ZMAT4: variants seen among roughly 807,000 people sequenced by gnomAD.
ZMAT4 encodes zinc finger matrin-type protein 4.
A neutral mutation model predicts 28.7 loss-of-function variants in ZMAT4; 17 were observed. That is an observed-to-expected ratio of 0.59 (90% CI 0.41 to 0.89). The LOEUF is 0.89. Among genes scored for constraint, ZMAT4 ranks in the 40% least tolerant of loss-of-function variants. ZMAT4 has a pLI of 0.00. For missense variants in ZMAT4, 240 were observed against 283.8 expected, an observed-to-expected ratio of 0.85 and a Z score of 1.11; for synonymous variants, 117 against 109.2, an observed-to-expected ratio of 1.07 and a Z score of -0.44.
intron 3 of ZMAT4, among the ~76,000 whole-genome samples, chr8:40,751,547 G>T (rs1455225547): frequency 6.6e-6 from 1 of 151,918 alleles, no homozygotes; most frequent in Non-Finnish European, 1.5e-5. Flanking sequence ...CCCATGATCC[G>T]ATCGCCTCCC....
intron 5 of ZMAT4, among the ~76,000 whole-genome samples, chr8:40,599,021 G>A (rs975764776): frequency 1.3e-5 from 2 of 152,116 alleles, no homozygotes; most frequent in East Asian, 1.9e-4. Flanking sequence ...AAGATTTTCT[G>A]AACTCTTAAA....
At chr8:40,570,445 T>C (rs1303648774) in intron 6 of ZMAT4, among the ~76,000 whole-genome samples, 1 of 152,136 alleles carries the variant, frequency 6.6e-6, no homozygotes, top group African/African-American at 2.4e-5. Flanking sequence ...ATGCCTATAA[T>C]TCCAGCACTG....
At chr8:40,835,412 G>A (rs928352471) in intron 1 of ZMAT4, among the ~76,000 whole-genome samples, 2 of 152,142 alleles carry the variant, frequency 1.3e-5, no homozygotes, top group South Asian at 2.1e-4. Flanking sequence ...CTCACTCAAC[G>A]GAGAAAAGCC....
chr8:40,769,717 G>C (rs1735539695), intron 2 of ZMAT4, among the ~76,000 whole-genome samples: 1 of 151,456 alleles, frequency 6.6e-6, no homozygotes, highest in Non-Finnish European at 1.5e-5. Context: ...ATCTCCTAAA[G>C]CTCTGGATTT....
Position 40,678,775 on chromosome 8 carries a change from C to T in ZMAT4, c.350-3844G>A, listed in dbSNP as rs140140187. ...GTTTCAATTCATAAAAATGCAAAAACCCCCGAAACTCAAGTTTTTTCAGAT... is the reference window on the plus strand; with the variant it reads ...GTTTCAATTCATAAAAATGCAAAAATCCCCGAAACTCAAGTTTTTTCAGAT... On this transcript the variant is annotated intron_variant, in intron 4 of 6. Coordinates refer to ENST00000297737, the MANE Select transcript of ZMAT4 (RefSeq NM_024645.3). 1.6e-3 allele frequency among the ~76,000 whole-genome samples: 243 copies of T among 152,248 alleles called. 1 individual carries two copies. The highest frequency in any genetic ancestry group is 0.014 in the Admixed American group (212 of 15,272).
chr8:40,705,560 T>A (rs1381639863), intron 3 of ZMAT4, among the ~76,000 whole-genome samples: 4 of 152,186 alleles, frequency 2.6e-5, no homozygotes, highest in African/African-American at 9.7e-5. Context: ...AAATGACATA[T>A]CTTTGAAAAA....
At chr8:40,671,398 A>G (rs1175987971) in intron 5 of ZMAT4, among the ~76,000 whole-genome samples, 1 of 152,332 alleles carries the variant, frequency 6.6e-6, no homozygotes, top group Non-Finnish European at 1.5e-5. Flanking sequence ...TATCTAAAAT[A>G]GCACCAAAAT....
At position 40,794,322 on chromosome 8, in the gene ZMAT4, C is replaced by T. The variant is rs113899434; in HGVS notation, c.103-26592G>A. Among the ~76,000 whole-genome samples the T allele has an allele frequency of 9.1e-3, 1,387 of 152,222 alleles. 21 individuals are homozygous for T. Among genetic ancestry groups the T allele is most frequent in the African/African-American group, 0.032 (1,338 of 41,528 alleles). On this transcript the variant is annotated intron_variant, in intron 2 of 6. Transcript: ENST00000297737. ...GGCATTTGGAGGCATCAGAATCTCCCCTGACTCAGACATGGAGTTACCCAA... is the reference window on the plus strand; with the variant it reads ...GGCATTTGGAGGCATCAGAATCTCCTCTGACTCAGACATGGAGTTACCCAA...
intron 5 of ZMAT4, among the ~76,000 whole-genome samples, chr8:40,622,297 G>A (rs1298223135): frequency 6.6e-6 from 1 of 152,186 alleles, no homozygotes; most frequent in Non-Finnish European, 1.5e-5. Context: ...GAATATGTGT[G>A]GGTGGCTTGT....
chr8:40,799,207 G>GGGA (rs1814728368), intron 2 of ZMAT4, among the ~76,000 whole-genome samples: 1 of 72,546 alleles, frequency 1.4e-5, no homozygotes, highest in East Asian at 4.3e-4. Context: ...GGATAGATGG[G>GGGA]TGGATGGATG....
chr8:40,560,838 A>C (rs1057022340), intron 6 of ZMAT4, among the ~76,000 whole-genome samples: 1 of 152,184 alleles, frequency 6.6e-6, no homozygotes, highest in African/African-American at 2.4e-5. Context: ...ATGAACTTTC[A>C]AAATAACCTG....
intron 5 of ZMAT4, among the ~76,000 whole-genome samples, chr8:40,631,957 G>A (rs1019667612): frequency 2.0e-5 from 3 of 152,180 alleles, no homozygotes; most frequent in Non-Finnish European, 4.4e-5. Flanking sequence ...CAGACATCTT[G>A]TGCCTATGCA....
chr8:40,614,165 G>A (rs1201391429), intron 5 of ZMAT4, among the ~76,000 whole-genome samples: 1 of 152,064 alleles, frequency 6.6e-6, no homozygotes, highest in African/African-American at 2.4e-5. Flanking sequence ...TGCTGCCCTG[G>A]GTTTGCACCT....
At chr8:40,603,816 G>C (rs1423135313) in intron 5 of ZMAT4, among the ~76,000 whole-genome samples, 5 of 152,048 alleles carry the variant, frequency 3.3e-5, no homozygotes, top group Non-Finnish European at 7.4e-5. Context: ...ATTTTTAGTA[G>C]AGATGGGGTT....
At chr8:40,708,566 A>G (rs944061667) in intron 3 of ZMAT4, among the ~76,000 whole-genome samples, 2 of 69,132 alleles carry the variant, frequency 2.9e-5, no homozygotes, top group African/African-American at 9.4e-5. Flanking sequence ...ACACATACAC[A>G]CTCTTTCTCT....
chr8:40,748,034 T>C (rs1812309932), intron 3 of ZMAT4, among the ~76,000 whole-genome samples: 1 of 152,166 alleles, frequency 6.6e-6, no homozygotes, highest in African/African-American at 2.4e-5. Flanking sequence ...TATCTAAAAT[T>C]ATATGGAGGA....
At chr8:40,754,354 T>C (rs1206742261) in intron 3 of ZMAT4, among the ~76,000 whole-genome samples, 1 of 152,114 alleles carries the variant, frequency 6.6e-6, no homozygotes, top group Non-Finnish European at 1.5e-5. Flanking sequence ...CAGCTGTCTT[T>C]CCAATGAATC....
intron 2 of ZMAT4, chr8:40,808,630 C>T (rs922715321): frequency 1.3e-4 from 57 of 451,996 alleles, no homozygotes; most frequent in Middle Eastern, 9.8e-4. Context: ...GTGTGAGCTC[C>T]CGTTACATGG....
intron 6 of ZMAT4, among the ~76,000 whole-genome samples, chr8:40,536,589 C>T (rs188038565): frequency 5.6e-4 from 86 of 152,278 alleles, no homozygotes; most frequent in African/African-American, 1.8e-3. Flanking sequence ...GGCTCCTCTA[C>T]GTGCTGGCTC....
Sources: gnomAD v4.1 joint callset for allele counts (sites outside exome capture counted in the v4.1 genomes callset) on GRCh38, gnomAD v4.1.1 for gene constraint, MANE v1.5 for transcripts, NCBI Gene and HGNC (gene_info 2026-07-23, HGNC 2026-07-21) for gene names.